The following NSD3 variants were observed in gnomAD, a reference collection of about 807,000 sequenced individuals.
The protein encoded by NSD3 is nuclear receptor binding SET domain protein 3.
Under a neutral mutation model 160.8 loss-of-function variants are expected in NSD3, and 24 were observed. The observed-to-expected ratio is 0.15, with a 90% CI of 0.11 to 0.21. The LOEUF is 0.21. Ranked by LOEUF, NSD3 falls within the 10% of genes least tolerant of loss-of-function variation. The pLI is 1.00. For missense variants in NSD3, 1,157 were observed against 1,735.9 expected (o/e 0.67, Z 5.93); for synonymous variants, 520 against 600.0 (o/e 0.87, Z 1.95).
At chr8:38,296,704 GTGTGTGTGTGTA>G (rs1809157943) in intron 15 of NSD3, among the ~76,000 whole-genome samples, 1 of 150,812 alleles carries the variant, frequency 6.6e-6, no homozygotes, top group African/African-American at 2.5e-5. Flanking sequence ...GTGTGTGTGT[GTGTGTGTGTGTA>G]TGTGTGTGTA....
chr8:38,295,275 A>G (rs1183618989), intron 16 of NSD3, among the ~76,000 whole-genome samples: 1 of 151,136 alleles, frequency 6.6e-6, no homozygotes, highest in African/African-American at 2.4e-5. Context: ...CTTAAAAACA[A>G]AAGTTGGTGG....
chr8:38,339,130 ACT>A (rs1810296056), intron 2 of NSD3, among the ~76,000 whole-genome samples: 1 of 144,250 alleles, frequency 6.9e-6, no homozygotes, highest in Non-Finnish European at 1.5e-5. Flanking sequence ...ACAGAGTGAG[ACT>A]CTGTCTCAAA....
intron 12 of NSD3, among the ~76,000 whole-genome samples, chr8:38,311,814 C>T (rs1184717378): frequency 6.6e-6 from 1 of 152,028 alleles, no homozygotes; most frequent in African/African-American, 2.4e-5. Context: ...TCTGTTTTTC[C>T]TTTTGTTGCC....
chr8:38,270,777 A>G lies in NSD3; in HGVS notation c.*4864T>C, dbSNP rs1808438000. 6.6e-6 allele frequency: 1 copy of G among 152,206 alleles called. No individual in the cohort carries two copies. The highest frequency in any genetic ancestry group is 2.4e-5 in the African/African-American group (1 of 41,442). The allele number at this position is 152,206 out of a possible 1,614,324, so 9.4% of individuals were successfully genotyped here. A position where few individuals can be genotyped will look rare whatever the true frequency, so the allele number is the denominator to read the frequency against. ...GACTGAATAAATGACTTTGGCATCTATTCTATTTTCCCTTTTTACTTACAT... is the reference window on the plus strand; with the variant it reads ...GACTGAATAAATGACTTTGGCATCTGTTCTATTTTCCCTTTTTACTTACAT... On this transcript the variant is annotated 3_prime_UTR_variant, in exon 24 of 24. Transcript: ENST00000317025.
At chr8:38,292,517 T>C (rs1229120863) in intron 16 of NSD3, among the ~76,000 whole-genome samples, 2 of 151,870 alleles carry the variant, frequency 1.3e-5, no homozygotes, top group Non-Finnish European at 2.9e-5. Flanking sequence ...GCACGGTGTC[T>C]CACGCCTGTA....
intron 16 of NSD3, among the ~76,000 whole-genome samples, chr8:38,293,924 A>G (rs1352629520): frequency 3.8e-5 from 1 of 26,060 alleles, no homozygotes; most frequent in Non-Finnish European, 9.9e-5. Context: ...CTCCGTCTCA[A>G]AAAAAAAAAA....
At chr8:38,279,048 A>T (rs1370625524) in intron 21 of NSD3, among the ~76,000 whole-genome samples, 1 of 152,260 alleles carries the variant, frequency 6.6e-6, no homozygotes, top group African/African-American at 2.4e-5. Context: ...TGGATAGGTA[A>T]GGAAAAATGA....
intron 17 of NSD3, 30 bp downstream of exon 17, chr8:38,290,445 T>C (rs374689554): frequency 3.4e-5 from 55 of 1,611,424 alleles, no homozygotes; most frequent in Non-Finnish European, 3.9e-5. Context: ...AGTTGTAGTT[T>C]TGAGTCACTG....
At chr8:38,373,706 A>G (rs1239148708) in intron 1 of NSD3, among the ~76,000 whole-genome samples, 3 of 151,964 alleles carry the variant, frequency 2.0e-5, no homozygotes, top group Non-Finnish European at 4.4e-5. Context: ...ACCCATTCTT[A>G]AATTTAAAAC....
chr8:38,307,237 T>C (rs1435041016), intron 12 of NSD3, among the ~76,000 whole-genome samples: 2 of 151,920 alleles, frequency 1.3e-5, no homozygotes, highest in Non-Finnish European at 2.9e-5. Context: ...CAGACTGGAG[T>C]ACAGTTGTGT....
chr8:38,317,287 C>T lies in NSD3; in HGVS notation c.1856-1245G>A, dbSNP rs2131022997. 6 of 1,059,790 alleles carry T rather than the reference C, an allele frequency of 5.7e-6. No individual in the cohort carries two copies. The highest frequency in any genetic ancestry group is 4.2e-4 in the Middle Eastern group (1 of 2,374). 65.6% of individuals were successfully genotyped at this position (1,059,790 alleles called of 1,614,324 possible). On this transcript the variant is annotated intron_variant, in intron 9 of 23. Transcript: ENST00000317025. This position sits in a 1 kb window ranked among gnomAD's most constrained non-coding sequence, Gnocchi z 5.3. ...TGACATCTATAAATGAGGGTGCCTG[C>T]CCATGTTAATGCTGATTAAAAAACA...
At chr8:38,277,690 A>G (rs1808632856) in intron 22 of NSD3, among the ~76,000 whole-genome samples, 1 of 152,254 alleles carries the variant, frequency 6.6e-6, no homozygotes, top group Non-Finnish European at 1.5e-5. Context: ...TCGCCATTTT[A>G]AAGTGTATAA....
chr8:38,279,788 T>C (rs1438121192), intron 20 of NSD3, 107 bp from the exon 21 acceptor site: 3 of 1,256,626 alleles, frequency 2.4e-6, no homozygotes, highest in East Asian at 4.9e-5. Flanking sequence ...CAACTGGTGT[T>C]TGACAACTGA....
At chr8:38,310,600 T>C (rs1227223102) in intron 12 of NSD3, among the ~76,000 whole-genome samples, 1 of 151,784 alleles carries the variant, frequency 6.6e-6, no homozygotes, top group East Asian at 1.9e-4. Context: ...CTTGACTTCC[T>C]GGGCTCAGGT....
intron 19 of NSD3, among the ~76,000 whole-genome samples, chr8:38,284,704 A>G (rs1466280277): frequency 2.6e-5 from 4 of 152,200 alleles, no homozygotes; most frequent in Non-Finnish European, 4.4e-5. Flanking sequence ...AATTTTCTTT[A>G]GTGGAAACTC....
Position 38,319,024 on chromosome 8 carries a change from T to C in NSD3, c.1810-84A>G. 1.6e-6 allele frequency: 2 copies of C among 1,231,150 alleles called. No individual in the cohort carries two copies. The highest frequency in any genetic ancestry group is 2.3e-6 in the Non-Finnish European group (2 of 858,270). 76.3% of individuals were successfully genotyped at this position (1,231,150 alleles called of 1,614,324 possible). A position where few individuals can be genotyped will look rare whatever the true frequency, so the allele number is the denominator to read the frequency against. On this transcript the variant is annotated intron_variant, in intron 8 of 23. Transcript: ENST00000317025. The surrounding 1 kb of genome is among the most constrained non-coding windows in gnomAD (Gnocchi z 4.1). Reference sequence around the variant, plus strand: ...CAGAGGGAAAAGATACTTTCATCAATCTAAGCAATGATGAGTGATTAATGT... The same window carrying C: ...CAGAGGGAAAAGATACTTTCATCAACCTAAGCAATGATGAGTGATTAATGT...
chr8:38,273,365 T>C lies in NSD3; in HGVS notation c.*2276A>G, dbSNP rs1808531503. 1 of 152,160 alleles carries C rather than the reference T, an allele frequency of 6.6e-6. No homozygotes were observed. Among genetic ancestry groups the C allele is most frequent in the African/African-American group, 2.4e-5 (1 of 41,432 alleles). 9.4% of individuals were successfully genotyped at this position (152,160 alleles called of 1,614,324 possible). A position where few individuals can be genotyped will look rare whatever the true frequency, so the allele number is the denominator to read the frequency against. ...CTATTAATCATAATTTTTTTTTAAT[T>C]TCAGCAGAGCTCTGTTACAGATATG... On this transcript the variant is annotated 3_prime_UTR_variant, in exon 24 of 24. Transcript: ENST00000317025.
intron 14 of NSD3, among the ~76,000 whole-genome samples, chr8:38,301,597 T>C (rs1286871064): frequency 1.3e-5 from 2 of 152,234 alleles, no homozygotes; most frequent in East Asian, 3.9e-4. Context: ...AAAAGTTATA[T>C]AATGTTGAAA....
At chr8:38,325,482 G>C (rs981840783) in intron 7 of NSD3, among the ~76,000 whole-genome samples, 1 of 152,152 alleles carries the variant, frequency 6.6e-6, no homozygotes, top group Non-Finnish European at 1.5e-5. Flanking sequence ...GAAGCAAGCA[G>C]TATTACAGAA....
Sources: gnomAD v4.1 joint callset for allele counts (sites outside exome capture counted in the v4.1 genomes callset) on GRCh38, gnomAD v4.1.1 for gene constraint, Gnocchi (gnomAD v3.1) non-coding constraint, MANE v1.5 for transcripts, NCBI Gene and HGNC (gene_info 2026-07-23, HGNC 2026-07-21) for gene names.